Variants in ADGB observed in about 807,000 individuals in gnomAD.
The protein encoded by ADGB is androglobin.
In ADGB, 172 loss-of-function variants were observed where a neutral mutation model predicts 210.5. That is an observed-to-expected ratio of 0.82 (90% CI 0.72 to 0.93). The LOEUF (loss-of-function observed/expected upper bound fraction) is 0.93, where lower values mean the gene tolerates loss of function less well. Among genes scored for constraint, ADGB ranks in the 40% least tolerant of loss-of-function variants. The pLI is 0.00. For missense variants in ADGB, 2,025 were observed against 1,964.8 expected, an observed-to-expected ratio of 1.03 and a Z score of -0.58; for synonymous variants, 658 against 662.7, an observed-to-expected ratio of 0.99 and a Z score of 0.11.
chr6:146,665,632 G>A (rs1229957834), intron 6 of ADGB, among the ~76,000 whole-genome samples: 1 of 152,064 alleles, frequency 6.6e-6, no homozygotes, highest in Non-Finnish European at 1.5e-5. Flanking sequence ...CTGTAGTTCA[G>A]TAGAAATTTA....
rs551630571 is a variant in ADGB at position 146,720,295 on chromosome 6, T to C, written c.1993-1108T>C. ...TACAAACTCTGTGACCTTTGGTAAA[T>C]AGCTTACCCTTTCTGTGTAATTAGA... is the stretch of plus-strand genomic sequence containing the variant. On this transcript the variant is annotated intron_variant, in intron 16 of 35. Transcript: ENST00000397944. Among the ~76,000 whole-genome samples the C allele has an allele frequency of 2.6e-5, 4 of 152,230 alleles. No homozygotes were observed. In the South Asian group the frequency reaches 8.3e-4, roughly 32 times the overall value.
At chr6:146,611,625 G>A (rs1398725863) in intron 1 of ADGB, among the ~76,000 whole-genome samples, 1 of 152,110 alleles carries the variant, frequency 6.6e-6, no homozygotes, top group African/African-American at 2.4e-5. Context: ...GCAACCCTAT[G>A]TAGGGTCCCC....
chr6:146,653,703 T>C (rs886082811), intron 3 of ADGB, among the ~76,000 whole-genome samples: 1 of 152,090 alleles, frequency 6.6e-6, no homozygotes, highest in Middle Eastern at 3.2e-3. Flanking sequence ...TAAGTTTACC[T>C]ATGTAACAAA....
chr6:146,612,612 T>G (rs1780727477), intron 1 of ADGB, among the ~76,000 whole-genome samples: 1 of 152,222 alleles, frequency 6.6e-6, no homozygotes, highest in Non-Finnish European at 1.5e-5. Flanking sequence ...GTAGAACCAC[T>G]TGAGAAAACA....
intron 25 of ADGB, 41 bp downstream of exon 25, chr6:146,741,312 G>A: frequency 1.3e-6 from 2 of 1,539,888 alleles, no homozygotes; most frequent in Admixed American, 2.0e-5. Context: ...TAGAATGGCA[G>A]TGAAAAGCTA....
intron 1 of ADGB, among the ~76,000 whole-genome samples, chr6:146,621,786 G>T (rs1780899504): frequency 6.6e-6 from 1 of 151,922 alleles, no homozygotes; most frequent in South Asian, 2.1e-4. Context: ...GATATTCCAT[G>T]ATTTTTTTTC....
intron 1 of ADGB, among the ~76,000 whole-genome samples, chr6:146,618,556 A>C (rs1780837217): frequency 6.6e-6 from 1 of 151,764 alleles, no homozygotes; most frequent in African/African-American, 2.4e-5. Flanking sequence ...TTGTGTTTCC[A>C]TGTTTATTTG....
At chr6:146,736,258 A>C (rs145847609) in intron 22 of ADGB, among the ~76,000 whole-genome samples, 1 of 152,196 alleles carries the variant, frequency 6.6e-6, no homozygotes, top group African/African-American at 2.4e-5. Flanking sequence ...TAGGTCAAGC[A>C]ATATTCTAAA....
At chr6:146,768,647 A>G (rs1777609350) in intron 28 of ADGB, among the ~76,000 whole-genome samples, 1 of 152,190 alleles carries the variant, frequency 6.6e-6, no homozygotes, top group Non-Finnish European at 1.5e-5. Context: ...AATGTAGGAG[A>G]CTATTTTTTT....
chr6:146,794,950 T>C (rs1778018208), intron 33 of ADGB, among the ~76,000 whole-genome samples: 1 of 152,174 alleles, frequency 6.6e-6, no homozygotes, highest in Non-Finnish European at 1.5e-5. Context: ...AAGGTCTCCT[T>C]GTCAAGAGTG....
intron 13 of ADGB, among the ~76,000 whole-genome samples, chr6:146,711,722 G>T (rs1379343418): frequency 6.6e-6 from 1 of 151,942 alleles, no homozygotes; most frequent in Non-Finnish European, 1.5e-5. Context: ...TTTAAGCATT[G>T]CTCTTGATTT....
rs1236936278 is a variant in ADGB at position 146,741,245 on chromosome 6, G to A, written c.3151G>A (p.Val1051Met). 1 of 1,550,828 alleles carries A rather than the reference G, an allele frequency of 6.4e-7. No individual in the cohort carries two copies. The highest frequency in any genetic ancestry group is 1.2e-5 in the South Asian group (1 of 83,958). The change falls in exon 25 of 36, where the codon GTG becomes ATG. Residue 1051 changes from valine to methionine, a missense_variant. Transcript: ENST00000397944. ...AGTGCCAAAGGTGTTCCAAAAAGTGGTGCCTTATCTTTATACCAAGAATAA... is the reference window on the plus strand; with the variant it reads ...AGTGCCAAAGGTGTTCCAAAAAGTGATGCCTTATCTTTATACCAAGAATAA... ...EQVPKVFQKV[V>M]PYLYTKNKKG...
chr6:146,688,273 A>G (rs1186891516), intron 10 of ADGB, among the ~76,000 whole-genome samples: 1 of 151,710 alleles, frequency 6.6e-6, no homozygotes, highest in Non-Finnish European at 1.5e-5. Context: ...CCAAGTGAAC[A>G]TATGGTTAAA....
chr6:146,632,012 G>T (rs17076153), intron 1 of ADGB, among the ~76,000 whole-genome samples: 5 of 149,842 alleles, frequency 3.3e-5, no homozygotes, highest in African/African-American at 1.2e-4. Flanking sequence ...CCAAGGTATC[G>T]CCTTCCAGTG....
At chr6:146,728,532 T>C in intron 19 of ADGB, 42 bp from the exon 20 acceptor site, 3 of 1,533,108 alleles carry the variant, frequency 2.0e-6, no homozygotes, top group Non-Finnish European at 2.6e-6. Flanking sequence ...TAGATGACAC[T>C]TAAGGATGAG....
chr6:146,751,396 T>C (rs1322048002), intron 26 of ADGB, among the ~76,000 whole-genome samples: 1 of 152,122 alleles, frequency 6.6e-6, no homozygotes, highest in Non-Finnish European at 1.5e-5. Context: ...TGTGTTTGGG[T>C]TAATTCCATG....
chr6:146,651,322 A>T (rs1339405555), intron 3 of ADGB, among the ~76,000 whole-genome samples: 2 of 152,180 alleles, frequency 1.3e-5, no homozygotes, highest in Non-Finnish European at 2.9e-5. Flanking sequence ...TGAAACACAC[A>T]GTGTCTCACA....
chr6:146,700,909 A>G (rs1776480177), intron 12 of ADGB, 32 bp from the exon 13 acceptor site: 2 of 1,533,710 alleles, frequency 1.3e-6, no homozygotes, highest in Non-Finnish European at 1.8e-6. Flanking sequence ...AGATCAAAAT[A>G]ACAGAAGTTT....
intron 27 of ADGB, 136 bp from the exon 28 acceptor site, chr6:146,763,765 A>C (rs1025892266): frequency 2.6e-6 from 2 of 762,836 alleles, no homozygotes; most frequent in African/African-American, 1.8e-5. Context: ...AACCAAAAAC[A>C]CTGTTTTTTA....
Sources: gnomAD v4.1 joint callset for allele counts (sites outside exome capture counted in the v4.1 genomes callset) on GRCh38, gnomAD v4.1.1 for gene constraint, MANE v1.5 for transcripts, NCBI Gene and HGNC (gene_info 2026-07-23, HGNC 2026-07-21) for gene names.